Variants in GNB2 observed in about 807,000 individuals in gnomAD.
The protein encoded by GNB2 is G protein subunit beta 2.
In GNB2, 7 loss-of-function variants were observed where a neutral mutation model predicts 40.7. The ratio of observed to expected loss-of-function variants is 0.17; its 90% CI spans 0.10 to 0.32. The LOEUF is 0.32. Ranked by LOEUF, GNB2 falls within the 10% of genes least tolerant of loss-of-function variation. The probability of loss-of-function intolerance (pLI) is 1.00; values close to 1 mark genes in which losing one functional copy is unlikely to be tolerated. For missense variants in GNB2, 286 were observed against 473.0 expected (o/e 0.60, Z 3.67); for synonymous variants, 254 against 191.2 (o/e 1.33, Z -2.71).
chr7:100,679,132 T>G lies in GNB2; in HGVS notation c.*331T>G. The G allele has an allele frequency of 3.9e-6, 1 of 257,586 alleles. No homozygotes were observed. The highest frequency in any genetic ancestry group is 7.4e-5 in the East Asian group (1 of 13,506). 16.0% of individuals were successfully genotyped at this position (257,586 alleles called of 1,614,324 possible). A position where few individuals can be genotyped will look rare whatever the true frequency, so the allele number is the denominator to read the frequency against. ...GTTTTATTTTAATTTTTATTATATTTTCAGTTTTTCCATAAAGGAGCCAAT... is the reference window on the plus strand; with the variant it reads ...GTTTTATTTTAATTTTTATTATATTGTCAGTTTTTCCATAAAGGAGCCAAT... On this transcript the variant is annotated 3_prime_UTR_variant, in exon 10 of 10. Transcript: ENST00000303210.
At chr7:100,674,232 GGCCCC>G (rs1182559710) in intron 1 of GNB2, among the ~76,000 whole-genome samples, 3 of 150,768 alleles carry the variant, frequency 2.0e-5, no homozygotes, top group Non-Finnish European at 4.4e-5. Context: ...GCTTCCTCTA[GGCCCC>G]GCCCCGCCCC....
rs1461838443 is a variant in GNB2, at chr7:100,677,739, G to C, written c.431-13G>C. 2.5e-6 allele frequency: 4 copies of C among 1,613,662 alleles called. No individual in the cohort carries two copies. The highest frequency in any genetic ancestry group is 2.2e-5 in the East Asian group (1 of 44,884). On this transcript the variant is annotated splice_polypyrimidine_tract_variant and intron_variant, in intron 6 of 9. Transcript: ENST00000303210. ...CTCCGTGTGGAGACCTGGCTGACCAGCTCCTTCCCCAGGGTACCTGTCGTG... is the reference window on the plus strand; with the variant it reads ...CTCCGTGTGGAGACCTGGCTGACCACCTCCTTCCCCAGGGTACCTGTCGTG...
At position 100,678,220 on chromosome 7, in the gene GNB2, C is replaced by T. The variant is rs766432973; in HGVS notation, c.620C>T (p.Ser207Phe). The T allele has an allele frequency of 2.5e-6, 4 of 1,613,932 alleles. No individual in the cohort carries two copies. The highest frequency in any genetic ancestry group is 3.4e-6 in the Non-Finnish European group (4 of 1,179,940). Residue 207 changes from serine (S) to phenylalanine (F), a missense_variant, in exon 8 of 10, where the codon TCT becomes TTT. Coordinates refer to ENST00000303210, the MANE Select transcript of GNB2 (RefSeq NM_005273.4). ...RTFVSGACDA[S>F]IKLWDVRDSM... is the part of the protein sequence containing the mutation. ...TTTGTGTCAGGCGCCTGTGATGCCTCTATCAAGCTGTGGGACGTGCGGGAT... is the reference window on the plus strand; with the variant it reads ...TTTGTGTCAGGCGCCTGTGATGCCTTTATCAAGCTGTGGGACGTGCGGGAT...
Position 100,676,409 on chromosome 7 carries a change from G to C in GNB2, c.57+87G>C, listed in dbSNP as rs1244653857. On this transcript the variant is annotated intron_variant, in intron 2 of 9. Transcript: ENST00000303210. ...TGGGTGAGGGTGTTGGTGGGGGAAG[G>C]GGGAGGGAGGGCCCCTTAATGGCTC... The C allele has an allele frequency of 1.1e-4, 144 of 1,294,266 alleles. 4 individuals are homozygous for C. The South Asian group carries it at 1.4e-3, about 13-fold the overall frequency. 80.2% of individuals were successfully genotyped at this position (1,294,266 alleles called of 1,614,324 possible).
At position 100,678,621 on chromosome 7, in the gene GNB2, G is replaced by GCTGGGGCCCAGGCTGGGTGGGCAGGGAC. The variant is rs1562859004; in HGVS notation, c.916+12_916+39dup. ...ATGAAGGGCGACCGTGCAGGTGACAGCTGGGGCCCAGGCTGGGTGGGCAGG... is the reference window on the plus strand; with the variant it reads ...ATGAAGGGCGACCGTGCAGGTGACAGCTGGGGCCCAGGCTGGGTGGGCAGGGACCTGGGGCCCAGGCTGGGTGGGCAGG... On this transcript the variant is annotated splice_region_variant and intron_variant, in intron 9 of 9. Coordinates refer to ENST00000303210, the MANE Select transcript of GNB2 (RefSeq NM_005273.4). 6.2e-7 allele frequency: 1 copy of GCTGGGGCCCAGGCTGGGTGGGCAGGGAC among 1,612,174 alleles called. No individual in the cohort carries two copies. Among genetic ancestry groups the GCTGGGGCCCAGGCTGGGTGGGCAGGGAC allele is most frequent in the Non-Finnish European group, 8.5e-7 (1 of 1,178,520 alleles).
At chr7:100,677,026 C>T (rs936155008) in intron 4 of GNB2, 2 of 594,090 alleles carry the variant, frequency 3.4e-6, no homozygotes, top group African/African-American at 1.9e-5. Context: ...CCTGTAATCC[C>T]AGCACGTGGG....
chr7:100,675,871 C>T, intron 1 of GNB2: 1 of 214,890 alleles, frequency 4.7e-6, no homozygotes. Context: ...GAAGGGACAC[C>T]CCCGCCCCCC....
intron 1 of GNB2, among the ~76,000 whole-genome samples, chr7:100,674,485 C>A (rs980445156): frequency 1.3e-5 from 2 of 152,036 alleles, no homozygotes; most frequent in African/African-American, 4.8e-5. Flanking sequence ...CAGATCCTCA[C>A]CCCAAGCCCA....
chr7:100,678,250 T>C lies in GNB2; in HGVS notation c.650T>C (p.Met217Thr), dbSNP rs1392029576. The C allele has an allele frequency of 1.7e-5, 27 of 1,613,882 alleles. No individual in the cohort carries two copies. Among genetic ancestry groups the C allele is most frequent in the Non-Finnish European group, 2.2e-5 (26 of 1,179,980 alleles). Reference sequence around the variant, plus strand: ...AAGCTGTGGGACGTGCGGGATTCCATGTGCCGACAGACCTTCATCGGCCAT... The same window carrying C: ...AAGCTGTGGGACGTGCGGGATTCCACGTGCCGACAGACCTTCATCGGCCAT... ...SIKLWDVRDSMCRQTFIGHES... is the reference protein window; with the variant it reads ...SIKLWDVRDSTCRQTFIGHES... The change falls in exon 8 of 10, where the codon ATG (methionine) becomes ACG (threonine). Residue 217 changes from methionine to threonine, a missense_variant. Physicochemically the swap from Met to Thr is moderately conservative, Grantham distance 81. Coordinates refer to ENST00000303210, the MANE Select transcript of GNB2 (RefSeq NM_005273.4).
At chr7:100,676,420 G>C in intron 2 of GNB2, 98 bp downstream of exon 2, 1 of 1,262,122 alleles carries the variant, frequency 7.9e-7, no homozygotes, top group Non-Finnish European at 1.2e-6. Flanking sequence ...GGGAGGGAGG[G>C]CCCCTTAATG....
rs545880859 is a variant in GNB2 at position 100,674,141 on chromosome 7, C to G, written c.-90+218C>G. 1.1e-3 allele frequency among the ~76,000 whole-genome samples: 169 copies of G among 152,218 alleles called. 1 individual carries two copies. The East Asian group carries it at 0.017, about 16-fold the overall frequency. ...TGCGTGCGCTTCCCCGCACCATCAG[C>G]GAAGTTTTTGCCCGACCCCAGACCC... On this transcript the variant is annotated intron_variant, in intron 1 of 9. Transcript: ENST00000303210.
intron 1 of GNB2, among the ~76,000 whole-genome samples, chr7:100,674,788 T>C (rs1228178445): frequency 6.6e-6 from 1 of 152,196 alleles, no homozygotes; most frequent in African/African-American, 2.4e-5. Flanking sequence ...GCCCCCAGTT[T>C]CTTCCTCCAG....
chr7:100,678,989 G>A lies in GNB2; in HGVS notation c.*188G>A, dbSNP rs1434279376. On this transcript the variant is annotated 3_prime_UTR_variant, in exon 10 of 10. Transcript: ENST00000303210. The stretch of plus-strand genomic sequence containing the variant: ...GTGGAGATAAGAAGGGGATGGAATG[G>A]GGGAAGAGGAGGAGCAGGAGGCCCT... 3.4e-6 allele frequency: 2 copies of A among 582,212 alleles called. No homozygotes were observed. Among genetic ancestry groups the A allele is most frequent in the African/African-American group, 3.7e-5 (2 of 53,622 alleles). 36.1% of individuals were successfully genotyped at this position (582,212 alleles called of 1,614,324 possible). A position where few individuals can be genotyped will look rare whatever the true frequency, so the allele number is the denominator to read the frequency against.
intron 7 of GNB2, 79 bp from the exon 8 acceptor site, chr7:100,678,019 A>C (rs1391102869): frequency 1.6e-6 from 2 of 1,269,444 alleles, no homozygotes; most frequent in African/African-American, 1.5e-5. Context: ...GGTTGGGCTC[A>C]CGTGGTGGGG....
chr7:100,678,833 G>A lies in GNB2; in HGVS notation c.*32G>A, dbSNP rs1345668806. 2.0e-6 allele frequency: 3 copies of A among 1,520,482 alleles called. No individual in the cohort carries two copies. Among genetic ancestry groups the A allele is most frequent in the East Asian group, 2.3e-5 (1 of 44,440 alleles). The allele number at this position is 1,520,482 out of a possible 1,614,324, so 94.2% of individuals were successfully genotyped here. ...CACCCCCACTGGGCCCAGGCCAGGA[G>A]GGGCCCTGCCCATGCCCACACTACA... On this transcript the variant is annotated 3_prime_UTR_variant, in exon 10 of 10. Transcript: ENST00000303210.
intron 4 of GNB2, 100 bp from the exon 5 acceptor site, chr7:100,677,252 G>C (rs766818397): frequency 5.4e-5 from 49 of 910,312 alleles, no homozygotes; most frequent in Non-Finnish European, 7.8e-5. Flanking sequence ...ACTCCAGCCT[G>C]CACAACAGAG....
chr7:100,676,439 T>A (rs1345445269), intron 2 of GNB2, 96 bp from the exon 3 acceptor site: 1 of 1,319,432 alleles, frequency 7.6e-7, no homozygotes, highest in African/African-American at 1.4e-5. Context: ...TGGCTCAGAA[T>A]CTGACCCTGT....
chr7:100,674,724 G>T (rs1424134284), intron 1 of GNB2, among the ~76,000 whole-genome samples: 2 of 152,100 alleles, frequency 1.3e-5, no homozygotes, highest in Non-Finnish European at 2.9e-5. Flanking sequence ...GAGTCTGGGG[G>T]CTGCTGAGGG....
intron 7 of GNB2, 62 bp from the exon 8 acceptor site, chr7:100,678,036 G>C: frequency 2.2e-6 from 3 of 1,386,494 alleles, no homozygotes; most frequent in South Asian, 1.2e-5. Flanking sequence ...GGGGCGGGGA[G>C]AACAGGGACT....
Sources: allele counts gnomAD v4.1 joint callset (sites outside exome capture counted in the v4.1 genomes callset), GRCh38; gene constraint gnomAD v4.1.1; transcripts MANE v1.5; gene names NCBI Gene and HGNC (gene_info 2026-07-23, HGNC 2026-07-21).